Variants in MET observed in about 807,000 individuals in gnomAD.
The protein encoded by MET is hepatocyte growth factor receptor.
A neutral mutation model predicts 133.1 loss-of-function variants in MET; 48 were observed. That is an observed-to-expected ratio of 0.36 (90% confidence interval 0.29 to 0.46). The LOEUF is 0.46. Ranked by LOEUF, MET falls within the 20% of genes least tolerant of loss-of-function variation. The probability of loss-of-function intolerance (pLI) is 1.00; values close to 1 mark genes in which losing one functional copy is unlikely to be tolerated. For synonymous variants in MET, 628 were observed against 616.5 expected (o/e 1.02, Z -0.28); for missense variants, 1,442 against 1,695.9 (o/e 0.85, Z 2.63).
At chr7:116,698,979 T>A (rs1797060657) in intron 1 of MET, 92 bp from the exon 2 acceptor site, 1 of 1,574,038 alleles carries the variant, frequency 6.4e-7, no homozygotes, top group Non-Finnish European at 8.6e-7. Flanking sequence ...GTTGGGAAGC[T>A]TTATTTCTGA....
intron 2 of MET, among the ~76,000 whole-genome samples, chr7:116,705,497 G>GT (rs1791755195): frequency 6.6e-6 from 1 of 152,034 alleles, no homozygotes; most frequent in Non-Finnish European, 1.5e-5. Flanking sequence ...AGATTATAGA[G>GT]TTTTTTACTT....
At chr7:116,789,471 C>T (rs767728710) in intron 19 of MET, among the ~76,000 whole-genome samples, 3 of 152,192 alleles carry the variant, frequency 2.0e-5, no homozygotes, top group Admixed American at 6.5e-5. Context: ...TTGACAAATG[C>T]ATGCAGTTGT....
chr7:116,672,389 C>A lies in MET; in HGVS notation c.-203C>A. 5.3e-6 allele frequency: 2 copies of A among 375,852 alleles called. No homozygotes were observed. Among genetic ancestry groups the A allele is most frequent in the Non-Finnish European group, 4.7e-6 (1 of 211,360 alleles). 23.3% of individuals were successfully genotyped at this position (375,852 alleles called of 1,614,324 possible). ...GGCGGGGCGCTGGGCTCAGCCCGGC[C>A]GCAGGTGACCCGGAGGCCCTCGCCG... On this transcript the variant is annotated 5_prime_UTR_variant, in exon 1 of 21. Coordinates refer to ENST00000397752, the MANE Select transcript of MET (RefSeq NM_000245.4).
intron 1 of MET, among the ~76,000 whole-genome samples, chr7:116,676,210 T>G (rs1232807514): frequency 2.6e-5 from 4 of 152,356 alleles, no homozygotes; most frequent in Admixed American, 2.6e-4. Context: ...TTACTCCCAT[T>G]GATTTTAATT....
chr7:116,754,929 A>AAGAT (rs778238570), intron 5 of MET, among the ~76,000 whole-genome samples: 1 of 147,826 alleles, frequency 6.8e-6, no homozygotes, highest in Admixed American at 6.8e-5. Flanking sequence ...GAAAGAAAGA[A>AAGAT]AGAAAGAAAG....
At chr7:116,744,562 G>T (rs1793591585) in intron 5 of MET, among the ~76,000 whole-genome samples, 1 of 152,308 alleles carries the variant, frequency 6.6e-6, no homozygotes, top group Non-Finnish European at 1.5e-5. Flanking sequence ...ACCTACATTT[G>T]ATTGGTGTAC....
intron 9 of MET, 90 bp downstream of exon 9, chr7:116,758,710 T>C (rs1358701641): frequency 2.3e-6 from 3 of 1,308,662 alleles, no homozygotes; most frequent in East Asian, 4.7e-5. Context: ...CAGTTTTATC[T>C]CTGGCTTTGA....
intron 1 of MET, among the ~76,000 whole-genome samples, chr7:116,682,201 T>C (rs1796385872): frequency 6.6e-6 from 1 of 152,224 alleles, no homozygotes; most frequent in Non-Finnish European, 1.5e-5. Flanking sequence ...GTTTCATTAA[T>C]GACAATGAAA....
chr7:116,676,363 G>T (rs1414265289), intron 1 of MET, among the ~76,000 whole-genome samples: 3 of 152,150 alleles, frequency 2.0e-5, no homozygotes, highest in Non-Finnish European at 4.4e-5. Flanking sequence ...TGAAAGCCAG[G>T]TTCCTGTACT....
At chr7:116,716,467 G>GAGAAGAA in intron 2 of MET, among the ~76,000 whole-genome samples, 1 of 108,266 alleles carries the variant, frequency 9.2e-6, no homozygotes, top group Middle Eastern at 4.2e-3. Context: ...AAGAAAGAAA[G>GAGAAGAA]AGAAAGAAAG....
intron 2 of MET, among the ~76,000 whole-genome samples, chr7:116,716,518 A>AAAGC (rs1792240897): frequency 6.7e-6 from 1 of 149,806 alleles, no homozygotes; most frequent in Admixed American, 6.6e-5. Context: ...AGAAAGAAAG[A>AAAGC]AAGAAAGAAA....
intron 9 of MET, among the ~76,000 whole-genome samples, chr7:116,759,138 G>T (rs1445823660): frequency 6.6e-6 from 1 of 152,072 alleles, no homozygotes. Context: ...TTTTTCAGAG[G>T]TGAAATATTT....
chr7:116,764,644 A>T (rs1329342578), intron 11 of MET, among the ~76,000 whole-genome samples: 1 of 152,158 alleles, frequency 6.6e-6, no homozygotes, highest in South Asian at 2.1e-4. Flanking sequence ...TTAAATACCC[A>T]TTATTCAACA....
At chr7:116,725,465 C>CATATAGATAT in intron 2 of MET, among the ~76,000 whole-genome samples, 1 of 144,932 alleles carries the variant, frequency 6.9e-6, no homozygotes, top group East Asian at 2.0e-4. Context: ...TTATGATATA[C>CATATAGATAT]ATATATATAT....
intron 11 of MET, among the ~76,000 whole-genome samples, chr7:116,765,381 G>A (rs1794586934): frequency 6.6e-6 from 1 of 151,790 alleles, no homozygotes; most frequent in African/African-American, 2.4e-5. Context: ...TTTATTGCCA[G>A]GAAGATTTCA....
At chr7:116,709,181 T>A (rs552181100) in intron 2 of MET, among the ~76,000 whole-genome samples, 6 of 152,340 alleles carry the variant, frequency 3.9e-5, no homozygotes, top group Admixed American at 2.0e-4. Flanking sequence ...AATGCCTTCA[T>A]CTTTACCTAC....
chr7:116,769,061 G>C (rs183952788), intron 11 of MET, among the ~76,000 whole-genome samples: 73 of 152,250 alleles, frequency 4.8e-4, no homozygotes, highest in African/African-American at 1.4e-3. Flanking sequence ...TAGGACTCAA[G>C]TGTGCAAGAA....
chr7:116,701,036 G>T (rs760581237), intron 2 of MET, among the ~76,000 whole-genome samples: 18 of 152,070 alleles, frequency 1.2e-4, no homozygotes, highest in Admixed American at 2.6e-4. Flanking sequence ...TAAATATTTT[G>T]GTTGATGATT....
intron 2 of MET, among the ~76,000 whole-genome samples, chr7:116,705,722 A>C (rs75770850): frequency 0.089 from 13,589 of 152,200 alleles, 726 homozygotes; most frequent in African/African-American, 0.14. Flanking sequence ...AAAGGTTATT[A>C]ATTTTACATT....
Sources: allele counts gnomAD v4.1 joint callset (sites outside exome capture counted in the v4.1 genomes callset), GRCh38; gene constraint gnomAD v4.1.1; transcripts MANE v1.5; gene names NCBI Gene and HGNC (gene_info 2026-07-23, HGNC 2026-07-21).